GIGYF2: variants seen among roughly 807,000 people sequenced by gnomAD.
GIGYF2 encodes the protein GRB10 interacting GYF protein 2.
Under a neutral mutation model 208.1 loss-of-function variants are expected in GIGYF2, and 25 were observed. The ratio of observed to expected loss-of-function variants is 0.12; its 90% confidence interval spans 0.09 to 0.17. The LOEUF (loss-of-function observed/expected upper bound fraction) is 0.17, where lower values mean the gene tolerates loss of function less well. Among genes scored for constraint, GIGYF2 ranks in the 10% least tolerant of loss-of-function variants. The probability of loss-of-function intolerance (pLI) is 1.00; values close to 1 mark genes in which losing one functional copy is unlikely to be tolerated. For missense variants in GIGYF2, 1,302 were observed against 1,579.4 expected (o/e 0.82, Z 2.98); for synonymous variants, 534 against 543.8 (o/e 0.98, Z 0.25).
intron 15 of GIGYF2, among the ~76,000 whole-genome samples, chr2:232,807,388 T>TA (rs1700591980): frequency 6.6e-6 from 1 of 151,976 alleles, no homozygotes; most frequent in Admixed American, 6.6e-5. Context: ...ATAATAATGA[T>TA]AAAAAACTAG....
intron 26 of GIGYF2, 106 bp from the exon 27 acceptor site, chr2:232,847,242 A>T: frequency 9.2e-7 from 1 of 1,081,312 alleles, no homozygotes; most frequent in Non-Finnish European, 1.4e-6. Flanking sequence ...GTCTGTCATT[A>T]ATGTTTGATT....
chr2:232,769,987 G>A (rs1324042349), intron 8 of GIGYF2, among the ~76,000 whole-genome samples: 1 of 152,000 alleles, frequency 6.6e-6, no homozygotes, highest in Non-Finnish European at 1.5e-5. Context: ...ATTGTTTTTT[G>A]TTGCCTGTAG....
At chr2:232,847,221 A>G in intron 26 of GIGYF2, 127 bp from the exon 27 acceptor site, 1 of 920,162 alleles carries the variant, frequency 1.1e-6, no homozygotes, top group Admixed American at 1.8e-5. Flanking sequence ...ATTGCTGCAT[A>G]CTTACCAAGT....
chr2:232,704,855 G>GTTTTTTTT (rs1559370305), intron 2 of GIGYF2, among the ~76,000 whole-genome samples: 1 of 79,510 alleles, frequency 1.3e-5, no homozygotes, highest in Non-Finnish European at 2.5e-5. Flanking sequence ...TTAACTTCTG[G>GTTTTTTTT]ATTTTTTTTT....
At chr2:232,763,821 ACT>A (rs1383650153) in intron 8 of GIGYF2, among the ~76,000 whole-genome samples, 3 of 147,822 alleles carry the variant, frequency 2.0e-5, no homozygotes, top group East Asian at 2.0e-4. Flanking sequence ...GCAGAGCAAG[ACT>A]CTGTCTGCAA....
intron 2 of GIGYF2, among the ~76,000 whole-genome samples, chr2:232,704,762 G>C (rs1483902721): frequency 6.6e-6 from 1 of 151,674 alleles, no homozygotes; most frequent in African/African-American, 2.4e-5. Context: ...CTGGGTAAAG[G>C]TTTAGCAAGC....
At chr2:232,821,408 C>T (rs1701077000) in intron 21 of GIGYF2, among the ~76,000 whole-genome samples, 1 of 152,164 alleles carries the variant, frequency 6.6e-6, no homozygotes, top group Non-Finnish European at 1.5e-5. Context: ...CCATGTTGGC[C>T]AGGCTGGTCT....
At chr2:232,826,953 T>C (rs1360780303) in intron 21 of GIGYF2, among the ~76,000 whole-genome samples, 6 of 152,216 alleles carry the variant, frequency 3.9e-5, no homozygotes, top group Admixed American at 3.9e-4. Flanking sequence ...ATACAACTCC[T>C]GAAAGCTCAG....
At chr2:232,850,141 G>A in intron 27 of GIGYF2, 121 bp from the exon 28 acceptor site, 1 of 877,544 alleles carries the variant, frequency 1.1e-6, no homozygotes, top group South Asian at 1.3e-5. Flanking sequence ...GTGATGAAAA[G>A]CTTTTTGTTT....
Position 232,732,867 on chromosome 2 carries a change from C to T in GIGYF2, c.-43-2288C>T, listed in dbSNP as rs1294260666. ...CTGGTCTTGAACTTCCGGGCTCAAG[C>T]GATCCACCCACCTTGGCCTCCCAAA... On this transcript the variant is annotated intron_variant, in intron 2 of 28. Coordinates refer to ENST00000373563, the MANE Select transcript of GIGYF2 (RefSeq NM_001103146.3). 3.3e-5 allele frequency among the ~76,000 whole-genome samples: 5 copies of T among 151,982 alleles called. No homozygotes were observed. The South Asian group carries it at 6.2e-4, about 19-fold the overall frequency.
intron 7 of GIGYF2, among the ~76,000 whole-genome samples, chr2:232,760,878 A>G (rs905269746): frequency 1.3e-5 from 2 of 151,434 alleles, no homozygotes; most frequent in African/African-American, 4.9e-5. Context: ...GGTATTAGTA[A>G]AAGTATCTTC....
At chr2:232,855,080 C>CTTTTTTTTTTTTTTTTTTTT (rs201395041) in intron 28 of GIGYF2, among the ~76,000 whole-genome samples, 1 of 109,190 alleles carries the variant, frequency 9.2e-6, no homozygotes. Context: ...CTTTTTCTTT[C>CTTTTTTTTTTTTTTTTTTTT]TTTTTTTTTT....
rs368074166 is a variant in GIGYF2, at chr2:232,848,097, C to G, written c.3684+526C>G. 1.9e-4 allele frequency among the ~76,000 whole-genome samples: 29 copies of G among 152,250 alleles called. 1 individual carries two copies. The highest frequency in any genetic ancestry group is 6.5e-4 in the African/African-American group (27 of 41,524). Reference sequence around the variant, plus strand: ...CCTAGGGGATATATAGGGTTAGGTTCCCATAAACTTCTAGTCACAATATTT... The same window carrying G: ...CCTAGGGGATATATAGGGTTAGGTTGCCATAAACTTCTAGTCACAATATTT... On this transcript the variant is annotated intron_variant, in intron 27 of 28. Coordinates refer to ENST00000373563, the MANE Select transcript of GIGYF2 (RefSeq NM_001103146.3).
rs1700761349 is a variant in GIGYF2, at chr2:232,812,485, C to T, written c.2101C>T (p.Pro701Ser). ...GGAGCTTCAGCCAACAGCTTCACAG[C>T]CTACAGGTAAAAACTTAGATTAACC... ...IWELQPTASQ[P>S]TVWEGGSVWD... The change falls in exon 18 of 29, where the codon CCT (proline) becomes TCT (serine). Residue 701 changes from proline (P) to serine (S), a missense_variant. By Grantham distance (74) the Pro-to-Ser change is moderately conservative. This residue lies in a region of GIGYF2 where 701 missense variants were observed against 793.0 expected (regional missense o/e 0.88). Coordinates refer to ENST00000373563, the MANE Select transcript of GIGYF2 (RefSeq NM_001103146.3). 7.4e-7 allele frequency: 1 copy of T among 1,349,626 alleles called. No individual in the cohort carries two copies. The highest frequency in any genetic ancestry group is 1.1e-6 in the Non-Finnish European group (1 of 938,994). The allele number at this position is 1,349,626 out of a possible 1,614,324, so 83.6% of individuals were successfully genotyped here.
At chr2:232,839,406 A>G (rs1039284161) in intron 22 of GIGYF2, among the ~76,000 whole-genome samples, 4 of 152,224 alleles carry the variant, frequency 2.6e-5, no homozygotes, top group South Asian at 2.1e-4. Context: ...GAGAAATCTC[A>G]TGGTGCTACC....
chr2:232,830,317 T>C (rs540889113), intron 21 of GIGYF2, among the ~76,000 whole-genome samples: 3 of 152,204 alleles, frequency 2.0e-5, no homozygotes, highest in African/African-American at 4.8e-5. Context: ...TTTTAGTTCA[T>C]TGATGTTTAG....
At chr2:232,792,787 TGTG>T (rs1185458710) in intron 12 of GIGYF2, among the ~76,000 whole-genome samples, 2 of 152,192 alleles carry the variant, frequency 1.3e-5, no homozygotes, top group Non-Finnish European at 2.9e-5. Flanking sequence ...CAGAACTACT[TGTG>T]GTACATTCTT....
chr2:232,737,077 C>T (rs562511889), intron 3 of GIGYF2, among the ~76,000 whole-genome samples: 26 of 152,310 alleles, frequency 1.7e-4, no homozygotes, highest in African/African-American at 4.6e-4. Flanking sequence ...TCCATATTTT[C>T]TGACTGCTTT....
At chr2:232,782,334 A>T (rs879331508) in intron 8 of GIGYF2, among the ~76,000 whole-genome samples, 7 of 152,196 alleles carry the variant, frequency 4.6e-5, no homozygotes, top group Admixed American at 1.3e-4. Context: ...AAGTGCTAGG[A>T]TTACAGGCGT....
Sources: gnomAD v4.1 joint callset for allele counts (sites outside exome capture counted in the v4.1 genomes callset) on GRCh38, gnomAD v4.1.1 for gene constraint, gnomAD v4.1.1 regional missense constraint, MANE v1.5 for transcripts, NCBI Gene and HGNC (gene_info 2026-07-23, HGNC 2026-07-21) for gene names.